The following GABRG3 variants were observed in gnomAD, a reference collection of about 807,000 sequenced individuals.
GABRG3 encodes the protein gamma-aminobutyric acid type A receptor subunit gamma3, also known as gamma-aminobutyric acid receptor subunit gamma-3.
In GABRG3, 25 loss-of-function variants were observed where a neutral mutation model predicts 48.8. That is an observed-to-expected ratio of 0.51 (90% confidence interval 0.37 to 0.72). The LOEUF is 0.72. GABRG3 is among the 30% of genes least tolerant of loss of function. The pLI is 0.00. For missense variants in GABRG3, 394 were observed against 577.9 expected (o/e 0.68, Z 3.26); for synonymous variants, 227 against 217.6 (o/e 1.04, Z -0.38).
chr15:27,329,411 C>T (rs892247063), intron 5 of GABRG3, among the ~76,000 whole-genome samples: 19 of 152,100 alleles, frequency 1.2e-4, no homozygotes, highest in Non-Finnish European at 2.2e-4. Flanking sequence ...ACTATGGGCA[C>T]GTGCTACCAC....
intron 3 of GABRG3, among the ~76,000 whole-genome samples, chr15:27,028,020 A>G (rs116995898): frequency 1.3e-3 from 201 of 152,366 alleles, no homozygotes; most frequent in Non-Finnish European, 2.5e-3. Flanking sequence ...CAGGAAGTCA[A>G]TTGCATTTGC....
chr15:27,138,555 T>A (rs531431732), intron 3 of GABRG3, among the ~76,000 whole-genome samples: 1 of 152,326 alleles, frequency 6.6e-6, no homozygotes, highest in African/African-American at 2.4e-5. Context: ...GCATGCGGAT[T>A]ATCCTTCCCT....
chr15:27,138,937 C>A (rs1182623773), intron 3 of GABRG3, among the ~76,000 whole-genome samples: 1 of 152,014 alleles, frequency 6.6e-6, no homozygotes, highest in Admixed American at 6.6e-5. Flanking sequence ...GAGCTTTTTT[C>A]TGTCTTGGGT....
chr15:27,407,801 G>A (rs1247748514), intron 5 of GABRG3, among the ~76,000 whole-genome samples: 1 of 152,184 alleles, frequency 6.6e-6, no homozygotes, highest in Non-Finnish European at 1.5e-5. Flanking sequence ...GCCAGGGGAT[G>A]GGAGCAAGGT....
rs60880658 is a variant in GABRG3 at position 27,285,254 on chromosome 15, GGTGTGTGTGTGTGT to G, written c.271-41520_271-41507del. Among the ~76,000 whole-genome samples, 585 of 142,554 alleles carry G rather than the reference GGTGTGTGTGTGTGT, an allele frequency of 4.1e-3. 3 individuals are homozygous for G. The highest frequency in any genetic ancestry group is 0.014 in the Middle Eastern group (4 of 278). 93.5% of individuals were successfully genotyped at this position (142,554 alleles called of 152,430 possible). On this transcript the variant is annotated intron_variant, in intron 3 of 9. Coordinates refer to ENST00000615808, the MANE Select transcript of GABRG3 (RefSeq NM_033223.5). Reference sequence around the variant, plus strand: ...CCTAGATAAATTTGCTGAGCTTTCAGGTGTGTGTGTGTGTGTGTGTGTGTGTGTGTGTGTGTGTG... The same window carrying G: ...CCTAGATAAATTTGCTGAGCTTTCAGGTGTGTGTGTGTGTGTGTGTGTGTG...
chr15:27,420,677 T>C (rs1888086602), intron 5 of GABRG3: 1 of 152,184 alleles, frequency 6.6e-6, no homozygotes, highest in Non-Finnish European at 1.5e-5. Context: ...TATTTGTAAT[T>C]TTACCTCCAT....
chr15:27,153,411 G>T (rs953518615), intron 3 of GABRG3, among the ~76,000 whole-genome samples: 2 of 152,146 alleles, frequency 1.3e-5, no homozygotes, highest in African/African-American at 4.8e-5. Context: ...ACAATAGGCT[G>T]TAATATCTGG....
chr15:27,465,061 C>T (rs1267882612), intron 5 of GABRG3, among the ~76,000 whole-genome samples: 1 of 152,152 alleles, frequency 6.6e-6, no homozygotes, highest in Non-Finnish European at 1.5e-5. Flanking sequence ...CTTAAGAAGG[C>T]ACATGCTTCC....
intron 3 of GABRG3, among the ~76,000 whole-genome samples, chr15:27,216,783 T>C (rs1889271814): frequency 6.9e-6 from 1 of 145,646 alleles, no homozygotes; most frequent in Non-Finnish European, 1.5e-5. Flanking sequence ...TTTTAATTTT[T>C]TTTTTTATTA....
At position 27,466,970 on chromosome 15, in the gene GABRG3, A is replaced by C. The variant is rs559496283; in HGVS notation, c.575-13680A>C. On this transcript the variant is annotated intron_variant, in intron 5 of 9. Transcript: ENST00000615808. ...ACAATAAACACTACAGTTAACATCA[A>C]CTCAGTAATGACTGGCCTGGAACAC... 6.6e-5 allele frequency among the ~76,000 whole-genome samples: 10 copies of C among 152,322 alleles called. No homozygotes were observed. The East Asian group carries it at 1.9e-3, about 29-fold the overall frequency.
intron 2 of GABRG3, among the ~76,000 whole-genome samples, chr15:26,993,652 TGAG>T (rs1267500839): frequency 6.6e-6 from 1 of 152,058 alleles, no homozygotes; most frequent in Non-Finnish European, 1.5e-5. Context: ...ATCCATGTGT[TGAG>T]GAGAAAAATG....
chr15:27,157,110 G>A (rs1898450847), intron 3 of GABRG3, among the ~76,000 whole-genome samples: 3 of 152,194 alleles, frequency 2.0e-5, no homozygotes, highest in South Asian at 4.1e-4. Context: ...GCACTTGCAG[G>A]TAGAGAGTAT....
chr15:27,232,539 G>C (rs570906989), intron 3 of GABRG3, among the ~76,000 whole-genome samples: 41 of 152,104 alleles, frequency 2.7e-4, no homozygotes, highest in Admixed American at 2.7e-3. Flanking sequence ...GAAGAGACCC[G>C]GGATACTTCA....
intron 3 of GABRG3, among the ~76,000 whole-genome samples, chr15:27,162,430 G>A (rs1173400138): frequency 1.3e-5 from 2 of 152,128 alleles, no homozygotes; most frequent in African/African-American, 4.8e-5. Context: ...TGTACAAAAG[G>A]ATAAAGTGAA....
chr15:26,990,808 T>TG (rs1183464549), intron 2 of GABRG3, among the ~76,000 whole-genome samples: 1 of 151,588 alleles, frequency 6.6e-6, no homozygotes, highest in African/African-American at 2.4e-5. Context: ...TTTTGATTTT[T>TG]TTTTTTTTTT....
intron 3 of GABRG3, among the ~76,000 whole-genome samples, chr15:27,308,692 TATA>T (rs1263691364): frequency 6.7e-6 from 1 of 149,040 alleles, no homozygotes; most frequent in East Asian, 2.1e-4. Flanking sequence ...TGTATAAACA[TATA>T]ATGTAAACAT....
Position 27,502,894 on chromosome 15 carries a change from C to T in GABRG3, c.713-17078C>T, listed in dbSNP as rs573915377. 1.1e-4 allele frequency among the ~76,000 whole-genome samples: 17 copies of T among 152,330 alleles called. 1 individual carries two copies. The highest frequency in any genetic ancestry group is 3.8e-4 in the African/African-American group (16 of 41,568). On this transcript the variant is annotated intron_variant, in intron 6 of 9. Transcript: ENST00000615808. ...GGAGTTGGGGTGCGCCACCTGCATC[C>T]GCACATGGGTGAGTTCTCGTTCCTG... is the stretch of plus-strand genomic sequence containing the variant.
chr15:27,518,124 G>A (rs890892622), intron 6 of GABRG3, among the ~76,000 whole-genome samples: 1 of 150,076 alleles, frequency 6.7e-6, no homozygotes, highest in Non-Finnish European at 1.5e-5. Context: ...GCCAACACAG[G>A]TGGATCACCT....
chr15:27,496,239 T>C (rs1363376010), intron 6 of GABRG3, among the ~76,000 whole-genome samples: 1 of 151,764 alleles, frequency 6.6e-6, no homozygotes. Flanking sequence ...AGTGGAGGAG[T>C]TGGGGGATCA....
Sources: gnomAD v4.1 joint callset for allele counts (sites outside exome capture counted in the v4.1 genomes callset) on GRCh38, gnomAD v4.1.1 for gene constraint, MANE v1.5 for transcripts, NCBI Gene and HGNC (gene_info 2026-07-23, HGNC 2026-07-21) for gene names.